Variants in ADK observed in about 807,000 individuals in gnomAD.
ADK encodes the protein adenosine kinase.
ADK carries 24 observed loss-of-function variants against 44.7 expected under a neutral mutation model. That is an observed-to-expected ratio of 0.54 (90% CI 0.39 to 0.76). ADK has a LOEUF of 0.76. Among genes scored for constraint, ADK ranks in the 30% least tolerant of loss-of-function variants. The probability of loss-of-function intolerance (pLI) is 0.00; values close to 1 mark genes in which losing one functional copy is unlikely to be tolerated. For missense variants in ADK, 321 were observed against 425.1 expected (o/e 0.76, Z 2.15); for synonymous variants, 128 against 142.6 (o/e 0.90, Z 0.73).
chr10:74,201,732 A>ATCTATC (rs1564589600), intron 2 of ADK, among the ~76,000 whole-genome samples: 10 of 145,284 alleles, frequency 6.9e-5, no homozygotes, highest in African/African-American at 2.3e-4. Context: ...ATCTATCTAT[A>ATCTATC]TATGGTTCAG....
intron 4 of ADK, among the ~76,000 whole-genome samples, chr10:74,362,054 G>T (rs780517388): frequency 1.3e-5 from 2 of 152,108 alleles, no homozygotes; most frequent in African/African-American, 2.4e-5. Flanking sequence ...TCTTCTTTGT[G>T]TTTAATCTAA....
chr10:74,431,054 G>C (rs1478150385), intron 6 of ADK, among the ~76,000 whole-genome samples: 3 of 117,694 alleles, frequency 2.5e-5, no homozygotes, highest in Non-Finnish European at 5.0e-5. Flanking sequence ...GCGACAGAGC[G>C]AGACTCCGTC....
chr10:74,657,129 T>C (rs1854518651), intron 9 of ADK, among the ~76,000 whole-genome samples: 1 of 152,116 alleles, frequency 6.6e-6, no homozygotes. Flanking sequence ...CTTGAGCTCC[T>C]GGCCTCGAGT....
chr10:74,162,521 TTGTGTG>T (rs10550667), intron 1 of ADK, among the ~76,000 whole-genome samples: 5,184 of 141,920 alleles, frequency 0.037, 117 homozygotes, highest in African/African-American at 0.04. Context: ...TGCATTTCTT[TTGTGTG>T]TGTGTGTGTG....
chr10:74,655,742 C>T (rs1854462903), intron 9 of ADK: 3 of 486,818 alleles, frequency 6.2e-6, no homozygotes, highest in South Asian at 5.2e-5. Context: ...AATTGCTGTT[C>T]CTCCAGTTGC....
chr10:74,180,608 G>A (rs991910531), intron 1 of ADK, among the ~76,000 whole-genome samples: 2 of 136,130 alleles, frequency 1.5e-5, no homozygotes, highest in South Asian at 2.1e-4. Flanking sequence ...ACAGGCGCCC[G>A]CCACCACGCC....
chr10:74,329,106 CAAAAAAAAAAAAAA>C (rs138730631), intron 4 of ADK, among the ~76,000 whole-genome samples: 1 of 82,120 alleles, frequency 1.2e-5, no homozygotes, highest in East Asian at 3.8e-4. Flanking sequence ...TCTGTGCAGG[CAAAAAAAAAAAAAA>C]AAAAAAAAAA....
Position 74,708,577 on chromosome 10 carries a change from A to G in ADK, c.*132A>G. 1 of 967,642 alleles carries G rather than the reference A, an allele frequency of 1.0e-6. No individual in the cohort carries two copies. Among genetic ancestry groups the G allele is most frequent in the East Asian group, 2.9e-5 (1 of 34,484 alleles). The allele number at this position is 967,642 out of a possible 1,614,324, so 59.9% of individuals were successfully genotyped here. A position where few individuals can be genotyped will look rare whatever the true frequency, so the allele number is the denominator to read the frequency against. On this transcript the variant is annotated 3_prime_UTR_variant, in exon 11 of 11. Transcript: ENST00000539909. ...ATAATAATGCTGAATCTTAATTTAG[A>G]GGGTACAAGGGTATGGTAATGCTTG...
chr10:74,511,384 C>A (rs890966355), intron 6 of ADK, among the ~76,000 whole-genome samples: 7 of 152,050 alleles, frequency 4.6e-5, no homozygotes, highest in African/African-American at 1.7e-4. Context: ...AATTTTTTTC[C>A]ATTTCTGTGA....
chr10:74,268,443 A>G (rs1846299993), intron 3 of ADK, among the ~76,000 whole-genome samples: 2 of 150,382 alleles, frequency 1.3e-5, no homozygotes, highest in Non-Finnish European at 3.0e-5. Flanking sequence ...TGTGCTACTT[A>G]TTAGTTGTGT....
intron 4 of ADK, among the ~76,000 whole-genome samples, chr10:74,382,490 T>C (rs1843002831): frequency 6.6e-6 from 1 of 152,208 alleles, no homozygotes; most frequent in Non-Finnish European, 1.5e-5. Flanking sequence ...TATTCTTTTG[T>C]TCTGATGAAA....
chr10:74,666,807 G>A (rs989977253), intron 9 of ADK, among the ~76,000 whole-genome samples: 1 of 150,426 alleles, frequency 6.6e-6, no homozygotes, highest in African/African-American at 2.4e-5. Flanking sequence ...AGGTCATGCC[G>A]GTAAAAACTG....
At chr10:74,661,284 T>C in intron 9 of ADK, 1 of 962,860 alleles carries the variant, frequency 1.0e-6, no homozygotes, top group Non-Finnish European at 1.2e-6. Flanking sequence ...CACCTTTTTT[T>C]CAGGAAAATA....
At chr10:74,638,356 A>G (rs1033627018) in intron 9 of ADK, among the ~76,000 whole-genome samples, 1 of 152,186 alleles carries the variant, frequency 6.6e-6, no homozygotes, top group Admixed American at 6.5e-5. Context: ...ATATCACCAT[A>G]AATACTTTCA....
In ADK at chr10:74,553,201, T is replaced by TTG. The variant is rs1481612679; in HGVS notation, c.726+27776_726+27777insGT. On this transcript the variant is annotated intron_variant, in intron 7 of 10. Coordinates refer to ENST00000539909, the MANE Select transcript of ADK (RefSeq NM_006721.4). ...TTTCAGCACATTGTGTTTTTTTTTT[T>TTG]TTTTTTTTTTTTTTTTTTGAGACAG... Among the ~76,000 whole-genome samples the TTG allele has an allele frequency of 1.8e-4, 22 of 122,104 alleles. No individual in the cohort carries two copies. In the East Asian group the frequency reaches 3.9e-3, roughly 22 times the overall value. The allele number at this position is 122,104 out of a possible 152,430, so 80.1% of individuals were successfully genotyped here.
chr10:74,515,048 C>G (rs1422897282), intron 6 of ADK, among the ~76,000 whole-genome samples: 1 of 152,090 alleles, frequency 6.6e-6, no homozygotes, highest in Non-Finnish European at 1.5e-5. Flanking sequence ...CTTTTTCTTG[C>G]TTTTTCACGG....
chr10:74,649,297 A>G (rs1202804453), intron 9 of ADK, among the ~76,000 whole-genome samples: 2 of 152,222 alleles, frequency 1.3e-5, no homozygotes, highest in African/African-American at 2.4e-5. Flanking sequence ...AGATTATTAG[A>G]AAATACACTT....
At chr10:74,258,953 T>G (rs1425005149) in intron 3 of ADK, among the ~76,000 whole-genome samples, 4 of 142,190 alleles carry the variant, frequency 2.8e-5, no homozygotes, top group African/African-American at 7.7e-5. Flanking sequence ...TTGTGTTTTT[T>G]TTTTTTTTTT....
intron 9 of ADK, among the ~76,000 whole-genome samples, chr10:74,608,839 A>T (rs1040626051): frequency 4.6e-5 from 7 of 152,076 alleles, no homozygotes; most frequent in Non-Finnish European, 7.4e-5. Context: ...TCCTTCCCCC[A>T]GGTGCTCTGT....
Sources: gnomAD v4.1 joint callset for allele counts (sites outside exome capture counted in the v4.1 genomes callset) on GRCh38, gnomAD v4.1.1 for gene constraint, MANE v1.5 for transcripts, NCBI Gene and HGNC (gene_info 2026-07-23, HGNC 2026-07-21) for gene names.